SCN3A: variants seen among roughly 807,000 people sequenced by gnomAD.
SCN3A encodes sodium channel protein type 3 subunit alpha.
A neutral mutation model predicts 187.6 loss-of-function variants in SCN3A; 60 were observed. The ratio of observed to expected loss-of-function variants is 0.32; its 90% CI spans 0.26 to 0.40. The LOEUF is 0.40. Among genes scored for constraint, SCN3A ranks in the 10% least tolerant of loss-of-function variants. The probability of loss-of-function intolerance (pLI) is 1.00; values close to 1 mark genes in which losing one functional copy is unlikely to be tolerated. For missense variants in SCN3A, 1,601 were observed against 2,428.2 expected (o/e 0.66, Z 7.16); for synonymous variants, 788 against 829.2 (o/e 0.95, Z 0.85).
Position 165,203,971 on chromosome 2 carries a change from TTTTC to T in SCN3A, c.-400_-397del, listed in dbSNP as rs1483069701. On this transcript the variant is annotated 5_prime_UTR_variant, in exon 1 of 28. Coordinates refer to ENST00000283254, the MANE Select transcript of SCN3A (RefSeq NM_006922.4). ...AGGTTTACAAATTAGTTACAATTTT[TTTTC>T]TTTCTTTCTCTGTGGATAAGAAAAC... 2 of 151,126 alleles carry T rather than the reference TTTTC, an allele frequency of 1.3e-5. No homozygotes were observed. The highest frequency in any genetic ancestry group is 4.9e-5 in the African/African-American group (2 of 41,130). The allele number at this position is 151,126 out of a possible 1,614,324, so 9.4% of individuals were successfully genotyped here.
At chr2:165,197,990 C>T (rs578078517) in intron 1 of SCN3A, among the ~76,000 whole-genome samples, 99 of 151,942 alleles carry the variant, frequency 6.5e-4, no homozygotes, top group African/African-American at 2.3e-3. Context: ...GTCTCAAGGA[C>T]ATGTATATAT....
chr2:165,112,934 T>C lies in SCN3A; in HGVS notation c.3794A>G (p.Gln1265Arg). Residue 1265 changes from glutamine to arginine, a missense_variant, in exon 21 of 28, where the codon CAA becomes CGA. Physicochemically the swap from Gln to Arg is conservative, Grantham distance 43 (BLOSUM62 1). This residue lies in a region of SCN3A where 320 missense variants were observed against 623.2 expected (regional missense o/e 0.51). Transcript: ENST00000283254. ...MLLKWVAYGF[Q>R]TYFTNAWCWL... ...GCACCAGGCATTAGTGAAATATGTT[T>C]GAAATCCATAAGCAACCCATTTGAG... 1 of 1,613,628 alleles carries C rather than the reference T, an allele frequency of 6.2e-7. No individual in the cohort carries two copies. Among genetic ancestry groups the C allele is most frequent in the Non-Finnish European group, 8.5e-7 (1 of 1,179,756 alleles).
chr2:165,175,934 T>G (rs1690422716), intron 3 of SCN3A, among the ~76,000 whole-genome samples, 197 bp downstream of exon 3: 1 of 152,202 alleles, frequency 6.6e-6, no homozygotes, highest in East Asian at 1.9e-4. Flanking sequence ...TCATATTTCC[T>G]GACTGTAACC....
chr2:165,170,421 A>G lies in SCN3A; in HGVS notation c.383+9T>C. The G allele has an allele frequency of 1.4e-6, 2 of 1,421,040 alleles. No homozygotes were observed. The highest frequency in any genetic ancestry group is 2.0e-6 in the Non-Finnish European group (2 of 1,004,958). 88.0% of individuals were successfully genotyped at this position (1,421,040 alleles called of 1,614,324 possible). On this transcript the variant is annotated intron_variant, in intron 4 of 27. Transcript: ENST00000283254. ...AATAGCATTTAGGCAATTCACATTA[A>G]AAGGATATGAATGTACCAAAATCTT... is the stretch of plus-strand genomic sequence containing the variant.
At chr2:165,147,554 T>C (rs1398775619) in intron 11 of SCN3A, among the ~76,000 whole-genome samples, 1 of 152,194 alleles carries the variant, frequency 6.6e-6, no homozygotes, top group Non-Finnish European at 1.5e-5. Context: ...ATGTATTAGA[T>C]AGCTTATCCT....
rs144929203 is a variant in SCN3A at position 165,151,173 on chromosome 2, T to G, written c.1380+3279A>C. 7.4e-3 allele frequency among the ~76,000 whole-genome samples: 1,126 copies of G among 152,332 alleles called. 18 individuals are homozygous for G. Among genetic ancestry groups the G allele is most frequent in the African/African-American group, 0.026 (1,069 of 41,572 alleles). Reference sequence around the variant, plus strand: ...GTTCAGCAAAAGCTATGCCTAGAGTTGAGCTCAATAATTCACTAAACAACT... The same window carrying G: ...GTTCAGCAAAAGCTATGCCTAGAGTGGAGCTCAATAATTCACTAAACAACT... On this transcript the variant is annotated intron_variant, in intron 11 of 27. Coordinates refer to ENST00000283254, the MANE Select transcript of SCN3A (RefSeq NM_006922.4).
At chr2:165,190,439 T>A (rs1263386068) in intron 1 of SCN3A, among the ~76,000 whole-genome samples, 1 of 151,052 alleles carries the variant, frequency 6.6e-6, no homozygotes, top group Non-Finnish European at 1.5e-5. Context: ...CCTTAACAGA[T>A]GTATCACATA....
intron 12 of SCN3A, among the ~76,000 whole-genome samples, chr2:165,142,999 G>T (rs539697300): frequency 6.6e-6 from 1 of 151,984 alleles, no homozygotes; most frequent in African/African-American, 2.4e-5. Flanking sequence ...TGATCTGCCC[G>T]CCCTGGCCTC....
intron 9 of SCN3A, among the ~76,000 whole-genome samples, chr2:165,157,753 C>A (rs1689148632): frequency 6.6e-6 from 1 of 152,120 alleles, no homozygotes; most frequent in Non-Finnish European, 1.5e-5. Context: ...TTTAATTATT[C>A]AATCATTTCA....
At chr2:165,157,067 C>T (rs1400952746) in intron 9 of SCN3A, among the ~76,000 whole-genome samples, 6 of 152,042 alleles carry the variant, frequency 3.9e-5, no homozygotes, top group Admixed American at 6.6e-5. Context: ...CCTGCCATCA[C>T]GCCCAGCTAA....
chr2:165,188,804 C>CAAAAAAAAAAAAAAAA (rs763003775), intron 1 of SCN3A, among the ~76,000 whole-genome samples: 1 of 72,548 alleles, frequency 1.4e-5, no homozygotes. Flanking sequence ...CGCCCCACTT[C>CAAAAAAAAAAAAAAAA]AAAAAAAAAA....
chr2:165,090,025 T>A lies in SCN3A; in HGVS notation c.*125A>T. ...TCACTTCACTGTCTTGTATAGGCAC[T>A]GACTATGAGTATTTGTTAAAACAGT... On this transcript the variant is annotated 3_prime_UTR_variant, in exon 28 of 28. Transcript: ENST00000283254. The surrounding 1 kb of genome is among the most constrained non-coding windows in gnomAD (Gnocchi z 4.0). The A allele has an allele frequency of 1.5e-6, 2 of 1,372,714 alleles. No individual in the cohort carries two copies. Among genetic ancestry groups the A allele is most frequent in the East Asian group, 2.5e-5 (1 of 40,132 alleles). 85.0% of individuals were successfully genotyped at this position (1,372,714 alleles called of 1,614,324 possible).
Position 165,146,537 on chromosome 2 carries a change from A to C in SCN3A, c.1671+202T>G, listed in dbSNP as rs528394598. On this transcript the variant is annotated intron_variant, in intron 12 of 27. Coordinates refer to ENST00000283254, the MANE Select transcript of SCN3A (RefSeq NM_006922.4). ...TCTATCTGTATATATAATCAGTCTC[A>C]AAATGGTGAACATTTTATTAATGGT... 1.1e-3 allele frequency among the ~76,000 whole-genome samples: 168 copies of C among 150,202 alleles called. 1 individual carries two copies. The highest frequency in any genetic ancestry group is 2.5e-3 in the South Asian group (12 of 4,788).
rs551260434 is a variant in SCN3A, at chr2:165,146,815, A to G, written c.1595T>C (p.Val532Ala). ...GGAGAAAAGGAAGCTGCTTCTTTTG[A>G]CGCTGTCTTCAGATTCGGATTTGGG... ...SFPKSESEDSVKRSSFLFSMD... is the reference protein window; with the variant it reads ...SFPKSESEDSAKRSSFLFSMD... The change falls in exon 12 of 28, where the codon GTC (valine) becomes GCC (alanine). Residue 532 changes from valine to alanine, a missense_variant. Transcript: ENST00000283254. 8.7e-6 allele frequency: 14 copies of G among 1,614,032 alleles called. No homozygotes were observed. The African/African-American group carries it at 1.6e-4, about 18-fold the overall frequency.
chr2:165,090,492 A>G lies in SCN3A; in HGVS notation c.5661T>C (p.Ser1887=). The G allele has an allele frequency of 6.2e-7, 1 of 1,614,054 alleles. No individual in the cohort carries two copies. The highest frequency in any genetic ancestry group is 1.3e-5 in the African/African-American group (1 of 75,040). Residue 1887 remains serine (S), a synonymous_variant, in exon 28 of 28, where the codon TCT becomes TCC. Coordinates refer to ENST00000283254, the MANE Select transcript of SCN3A (RefSeq NM_006922.4). This position sits in a 1 kb window ranked among gnomAD's most constrained non-coding sequence, Gnocchi z 4.0. Reference sequence around the variant, plus strand: ...TCAAAGTGGTTGTAATAGGCTCATAAGAGACTTTGGAGGGGTTTGATGCCA... The same window carrying G: ...TCAAAGTGGTTGTAATAGGCTCATAGGAGACTTTGGAGGGGTTTGATGCCA... ...RFMASNPSKV[S]YEPITTTLKR...
Position 165,170,449 on chromosome 2 carries a change from T to C in SCN3A, c.364A>G (p.Ile122Val), listed in dbSNP as rs1167468055. The C allele has an allele frequency of 1.2e-6, 2 of 1,604,282 alleles. No individual in the cohort carries two copies. The highest frequency in any genetic ancestry group is 3.3e-5 in the Admixed American group (2 of 59,802). Residue 122 changes from isoleucine to valine, a missense_variant, in exon 4 of 28, where the codon ATC becomes GTC. Coordinates refer to ENST00000283254, the MANE Select transcript of SCN3A (RefSeq NM_006922.4). ...TPLNPVRKIAIKILVHSLFSM... is the reference protein window; with the variant it reads ...TPLNPVRKIAVKILVHSLFSM... ...GGATATGAATGTACCAAAATCTTGATAGCAATTTTCCTAACAGGGTTTAGT... is the reference window on the plus strand; with the variant it reads ...GGATATGAATGTACCAAAATCTTGACAGCAATTTTCCTAACAGGGTTTAGT...
In SCN3A at chr2:165,154,656, T is replaced by C. The variant is rs1688906157; in HGVS notation, c.1176A>G (p.Thr392=). ...TGTATGTTTTCCCAGCAGCACGTAA[T>C]GTCTAGGGGAAATGGGGGATAATTC... The part of the protein sequence containing the change: ...QDYWENLYQL[T]LRAAGKTYMI... Residue 392 remains threonine, a splice_region_variant and synonymous_variant, in exon 11 of 28, where the codon ACA becomes ACG. Transcript: ENST00000283254. 6.2e-7 allele frequency: 1 copy of C among 1,613,030 alleles called. No individual in the cohort carries two copies. Among genetic ancestry groups the C allele is most frequent in the Non-Finnish European group, 8.5e-7 (1 of 1,179,028 alleles).
chr2:165,096,442 T>C (rs1685368905), intron 24 of SCN3A, 25 bp downstream of exon 24: 14 of 1,582,028 alleles, frequency 8.8e-6, no homozygotes, highest in Non-Finnish European at 1.2e-5. Context: ...CTAGAACCTA[T>C]AAATAATATT....
At chr2:165,181,709 G>T (rs1690886816) in intron 2 of SCN3A, among the ~76,000 whole-genome samples, 1 of 152,008 alleles carries the variant, frequency 6.6e-6, no homozygotes, top group Non-Finnish European at 1.5e-5. Context: ...AATAACCATA[G>T]TTTGTCAGTT....
Sources: gnomAD v4.1 joint callset for allele counts (sites outside exome capture counted in the v4.1 genomes callset) on GRCh38, gnomAD v4.1.1 for gene constraint, gnomAD v4.1.1 regional missense constraint, Gnocchi (gnomAD v3.1) non-coding constraint, MANE v1.5 for transcripts, NCBI Gene and HGNC (gene_info 2026-07-23, HGNC 2026-07-21) for gene names.